Variants in SAMD4A observed in about 807,000 individuals in gnomAD.
SAMD4A encodes sterile alpha motif domain containing 4A, also known as protein Smaug homolog 1.
In SAMD4A, 33 loss-of-function variants were observed where a neutral mutation model predicts 81.3. That is an observed-to-expected ratio of 0.41 (90% CI 0.31 to 0.54). The LOEUF (loss-of-function observed/expected upper bound fraction) is 0.54. SAMD4A is among the 20% of genes least tolerant of loss of function. The pLI is 0.37. For synonymous variants in SAMD4A, 389 were observed against 382.1 expected, an observed-to-expected ratio of 1.02 and a Z score of -0.21; for missense variants, 854 against 951.1, an observed-to-expected ratio of 0.90 and a Z score of 1.34.
chr14:54,736,890 C>A, intron 3 of SAMD4A, 134 bp from the exon 4 acceptor site: 1 of 1,040,974 alleles, frequency 9.6e-7, no homozygotes, highest in Non-Finnish European at 1.4e-6. Flanking sequence ...GGCCTGTATT[C>A]AACCTGCTGT....
At chr14:54,647,303 G>A (rs1266486765) in intron 2 of SAMD4A, among the ~76,000 whole-genome samples, 1 of 152,152 alleles carries the variant, frequency 6.6e-6, no homozygotes, top group Non-Finnish European at 1.5e-5. Flanking sequence ...CTGTAAGGAG[G>A]ATAGTTACCA....
chr14:54,686,796 G>A (rs985399450), intron 2 of SAMD4A, among the ~76,000 whole-genome samples: 3 of 152,174 alleles, frequency 2.0e-5, no homozygotes, highest in Admixed American at 2.0e-4. Flanking sequence ...GGCAGCAGAG[G>A]CAGATCACAT....
chr14:54,695,191 C>T (rs2036545412), intron 2 of SAMD4A, among the ~76,000 whole-genome samples: 1 of 152,208 alleles, frequency 6.6e-6, no homozygotes, highest in African/African-American at 2.4e-5. Flanking sequence ...TAACAAACTA[C>T]CCTAAAACTT....
intron 2 of SAMD4A, among the ~76,000 whole-genome samples, chr14:54,678,433 T>TG (rs2036040355): frequency 1.2e-4 from 10 of 81,250 alleles, no homozygotes; most frequent in African/African-American, 4.7e-4. Flanking sequence ...CAGTCACCAT[T>TG]TGTGTGTGTG....
At chr14:54,706,295 A>AAC (rs1555345482) in intron 3 of SAMD4A, among the ~76,000 whole-genome samples, 34 of 128,894 alleles carry the variant, frequency 2.6e-4, no homozygotes, top group African/African-American at 1.0e-3. Context: ...AAAAAAAAAA[A>AAC]AGAAGAAGAA....
intron 2 of SAMD4A, 63 bp downstream of exon 2, chr14:54,568,175 C>T (rs2033000726): frequency 2.2e-6 from 3 of 1,349,940 alleles, no homozygotes; most frequent in Non-Finnish European, 1.9e-6. Flanking sequence ...CCCTCCGCTT[C>T]TCTGCCTCGG....
intron 2 of SAMD4A, among the ~76,000 whole-genome samples, chr14:54,650,092 T>TA (rs1429849328): frequency 2.0e-5 from 3 of 152,222 alleles, no homozygotes; most frequent in African/African-American, 7.2e-5. Context: ...GAATTCCACT[T>TA]ACCTCCTCTA....
intron 2 of SAMD4A, among the ~76,000 whole-genome samples, chr14:54,620,166 A>G (rs1438368750): frequency 2.0e-5 from 3 of 152,104 alleles, no homozygotes; most frequent in Admixed American, 2.0e-4. Context: ...AGATGTTGAA[A>G]CAGAAGGCTT....
Position 54,790,755 on chromosome 14 carries a change from CT to C in SAMD4A, c.*1821del, listed in dbSNP as rs149642747. The C allele has an allele frequency of 9.6e-5, 14 of 146,462 alleles. No homozygotes were observed. The highest frequency in any genetic ancestry group is 2.2e-4 in the South Asian group (1 of 4,568). The allele number at this position is 146,462 out of a possible 1,614,324, so 9.1% of individuals were successfully genotyped here. On this transcript the variant is annotated 3_prime_UTR_variant, in exon 13 of 13. Coordinates refer to ENST00000554335, the MANE Select transcript of SAMD4A (RefSeq NM_015589.6). ...AGATCAGACTATGGAAATCACTGCC[CT>C]TTTTTTTTTAAAAGCTAATGAACTA...
intron 2 of SAMD4A, among the ~76,000 whole-genome samples, chr14:54,647,093 TAA>T (rs978751036): frequency 2.0e-5 from 3 of 152,254 alleles, no homozygotes; most frequent in Non-Finnish European, 4.4e-5. Flanking sequence ...TTTGACTCTA[TAA>T]GACAAGTACT....
chr14:54,632,943 C>T (rs2034940077), intron 2 of SAMD4A, among the ~76,000 whole-genome samples: 1 of 152,180 alleles, frequency 6.6e-6, no homozygotes, highest in East Asian at 1.9e-4. Flanking sequence ...TTTTTGTCAA[C>T]ATTTTGCTTT....
chr14:54,613,668 A>G (rs1049781551), intron 2 of SAMD4A, among the ~76,000 whole-genome samples: 4 of 152,182 alleles, frequency 2.6e-5, no homozygotes, highest in Admixed American at 1.3e-4. Flanking sequence ...TCTTTCTTCT[A>G]TCCCTTCTTT....
intron 4 of SAMD4A, among the ~76,000 whole-genome samples, chr14:54,743,334 G>A (rs923468195): frequency 5.3e-5 from 8 of 152,196 alleles, no homozygotes; most frequent in Non-Finnish European, 1.2e-4. Flanking sequence ...GCCAAGATAT[G>A]ACCCACAGGG....
At chr14:54,760,536 A>T (rs1307643189) in intron 7 of SAMD4A, 42 bp downstream of exon 7, 4 of 1,373,090 alleles carry the variant, frequency 2.9e-6, no homozygotes, top group Non-Finnish European at 3.7e-6. Flanking sequence ...TCTGGATACC[A>T]CTAACCAGAG....
chr14:54,748,035 T>A (rs550186378), intron 4 of SAMD4A, among the ~76,000 whole-genome samples: 2 of 152,358 alleles, frequency 1.3e-5, no homozygotes, highest in South Asian at 4.1e-4. Context: ...ACTTTAGAAC[T>A]TCCATTATCC....
chr14:54,615,704 G>A (rs751310736), intron 2 of SAMD4A, among the ~76,000 whole-genome samples: 2 of 152,030 alleles, frequency 1.3e-5, no homozygotes, highest in Non-Finnish European at 2.9e-5. Context: ...TAAATGAACC[G>A]CATTTACTCA....
rs1397648960 is a variant in SAMD4A at position 54,702,162 on chromosome 14, A to G, written c.297A>G (p.Val99=). The change falls in exon 3 of 13, where the codon GTA becomes GTG. Residue 99 remains valine, a synonymous_variant. Transcript: ENST00000554335. ...AGCCAGGAAACCTCGACGCGAAAGT[A>G]GAATATATGAAACTGCTGCCCAAAA... ...LLKPGNLDAK[V]EYMKLLPKIL... is the part of the protein sequence containing the mutation. 2.0e-5 allele frequency: 33 copies of G among 1,614,086 alleles called. No individual in the cohort carries two copies. Among genetic ancestry groups the G allele is most frequent in the Admixed American group, 3.3e-5 (2 of 60,000 alleles).
At chr14:54,775,672 C>T (rs566764539) in intron 10 of SAMD4A, among the ~76,000 whole-genome samples, 1 of 152,266 alleles carries the variant, frequency 6.6e-6, no homozygotes, top group Admixed American at 6.5e-5. Flanking sequence ...CCCCAGGCCC[C>T]ACCCCTGCCC....
At chr14:54,667,872 T>A (rs1338904433) in intron 2 of SAMD4A, among the ~76,000 whole-genome samples, 1 of 152,226 alleles carries the variant, frequency 6.6e-6, no homozygotes, top group East Asian at 1.9e-4. Context: ...CAAGAGAGGT[T>A]ACGTGAGCGC....
Sources: allele counts gnomAD v4.1 joint callset (sites outside exome capture counted in the v4.1 genomes callset), GRCh38; gene constraint gnomAD v4.1.1; transcripts MANE v1.5; gene names NCBI Gene and HGNC (gene_info 2026-07-23, HGNC 2026-07-21).